LOC128462377: variants seen among roughly 807,000 people sequenced by gnomAD.
At chr16:89,396,022 A>C in the LOC128462377 span, 110 of 152,364 alleles carry the variant, frequency 7.2e-4, no homozygotes, top group African/African-American at 2.5e-3. Flanking sequence ...ACCGACATGC[A>C]AACTCTGGTT....
At chr16:89,403,174 C>G in the LOC128462377 span, among the ~76,000 whole-genome samples, 1 of 152,202 alleles carries the variant, frequency 6.6e-6, no homozygotes, top group Non-Finnish European at 1.5e-5. Context: ...TTCCTGTTGG[C>G]AGGTGGACCC....
chr16:89,372,988 G>A, the LOC128462377 span: 1 of 152,230 alleles, frequency 6.6e-6, no homozygotes, highest in East Asian at 1.9e-4. Context: ...ACACCCCGAG[G>A]AAGGCACAGC....
At chr16:89,417,138 A>G in the LOC128462377 span, among the ~76,000 whole-genome samples, 1 of 152,222 alleles carries the variant, frequency 6.6e-6, no homozygotes. Flanking sequence ...CAAGGAAAGA[A>G]TTCAGTCATA....
At chr16:89,345,552 T>TAA in the LOC128462377 span, among the ~76,000 whole-genome samples, 1 of 152,186 alleles carries the variant, frequency 6.6e-6, no homozygotes, top group Non-Finnish European at 1.5e-5. Flanking sequence ...CTGTGAGAAA[T>TAA]AAATTTCTGT....
chr16:89,363,854 G>A, the LOC128462377 span, among the ~76,000 whole-genome samples: 1 of 151,948 alleles, frequency 6.6e-6, no homozygotes, highest in African/African-American at 2.4e-5. Flanking sequence ...CAAAAAGTTC[G>A]AGACCAGCCT....
chr16:89,317,150 T>C, the LOC128462377 span: 5 of 1,001,618 alleles, frequency 5.0e-6, no homozygotes, highest in Admixed American at 4.0e-5. Flanking sequence ...CACACCGCAC[T>C]CAACAGACTC....
the LOC128462377 span, among the ~76,000 whole-genome samples, chr16:89,395,479 AGCATGC>A: frequency 6.6e-6 from 1 of 152,130 alleles, no homozygotes; most frequent in Admixed American, 6.5e-5. Flanking sequence ...TGCTTCTGTG[AGCATGC>A]GCCCAGGAAC....
chr16:89,384,879 C>CTTTTTCTTTTTTTTTTTT, the LOC128462377 span, among the ~76,000 whole-genome samples: 5 of 49,942 alleles, frequency 1.0e-4, no homozygotes, highest in African/African-American at 4.0e-4. Flanking sequence ...AAATAGTTTT[C>CTTTTTCTTTTTTTTTTTT]TTTTTTTTTT....
the LOC128462377 span, among the ~76,000 whole-genome samples, chr16:89,333,852 G>A: frequency 1.3e-5 from 2 of 152,214 alleles, no homozygotes; most frequent in South Asian, 2.1e-4. Context: ...AGAAAGGGAC[G>A]GTATTATTCT....
chr16:89,408,819 A>G, the LOC128462377 span, among the ~76,000 whole-genome samples: 1 of 152,226 alleles, frequency 6.6e-6, no homozygotes, highest in African/African-American at 2.4e-5. Context: ...TGTAATAAAA[A>G]TAAGGAAAAT....
At chr16:89,341,411 A>G in the LOC128462377 span, among the ~76,000 whole-genome samples, 3 of 152,212 alleles carry the variant, frequency 2.0e-5, no homozygotes, top group Admixed American at 2.0e-4. Context: ...TAAGGCCCCA[A>G]CGTGAACAGA....
the LOC128462377 span, chr16:89,418,177 A>C: frequency 2.3e-6 from 1 of 425,616 alleles, no homozygotes; most frequent in Non-Finnish European, 4.8e-6. Context: ...ACAAAACTCT[A>C]TCAAGTCCAA....
At chr16:89,345,910 G>A in the LOC128462377 span, among the ~76,000 whole-genome samples, 13 of 152,170 alleles carry the variant, frequency 8.5e-5, no homozygotes, top group Admixed American at 1.3e-4. Flanking sequence ...AAGACGGTCC[G>A]ACATTTATGC....
chr16:89,324,901 A>C, the LOC128462377 span: 2 of 217,490 alleles, frequency 9.2e-6, no homozygotes, highest in Non-Finnish European at 9.3e-6. Flanking sequence ...CTCCCAATAA[A>C]CTCCCCTCCA....
the LOC128462377 span, among the ~76,000 whole-genome samples, chr16:89,387,487 A>C: frequency 6.6e-6 from 1 of 151,674 alleles, no homozygotes; most frequent in African/African-American, 2.4e-5. Context: ...CCCGGCTAAC[A>C]CAGTGAAACC....
chr16:89,331,340 G>C, the LOC128462377 span, among the ~76,000 whole-genome samples: 1 of 152,168 alleles, frequency 6.6e-6, no homozygotes, highest in Non-Finnish European at 1.5e-5. Context: ...TAGATGCACA[G>C]TTCACATCAT....
the LOC128462377 span, among the ~76,000 whole-genome samples, chr16:89,362,478 T>C: frequency 6.6e-6 from 1 of 152,174 alleles, no homozygotes; most frequent in South Asian, 2.1e-4. Flanking sequence ...GGGACAAGAC[T>C]CAATCCCACG....
chr16:89,412,857 C>G, the LOC128462377 span, among the ~76,000 whole-genome samples: 1 of 152,170 alleles, frequency 6.6e-6, no homozygotes, highest in Non-Finnish European at 1.5e-5. Flanking sequence ...AGTCCCCCAG[C>G]AGGACCTCTC....
the LOC128462377 span, among the ~76,000 whole-genome samples, chr16:89,394,302 T>G: frequency 6.6e-6 from 1 of 152,192 alleles, no homozygotes; most frequent in Non-Finnish European, 1.5e-5. Context: ...CCTGCCACAC[T>G]GCTCTCACTC....
Sources: allele counts gnomAD v4.1 joint callset (sites outside exome capture counted in the v4.1 genomes callset), GRCh38; gene constraint gnomAD v4.1.1; transcripts MANE v1.5.